The following FARS2 variants were observed in gnomAD, a reference collection of about 807,000 sequenced individuals.
FARS2 encodes phenylalanyl-tRNA synthetase 2, mitochondrial.
In FARS2, 40 loss-of-function variants were observed where a neutral mutation model predicts 46.4. The observed-to-expected ratio is 0.86, with a 90% CI of 0.67 to 1.12. FARS2 has a LOEUF of 1.12. Among genes scored for constraint, FARS2 ranks in the 50% most tolerant of loss-of-function variants. The pLI, the probability that FARS2 is intolerant of heterozygous loss-of-function variation, is 0.00. For synonymous variants in FARS2, 234 were observed against 214.9 expected (o/e 1.09, Z -0.78); for missense variants, 513 against 567.9 (o/e 0.90, Z 0.98).
intron 6 of FARS2, among the ~76,000 whole-genome samples, chr6:5,660,815 G>A (rs1462801671): frequency 1.3e-5 from 2 of 152,178 alleles, no homozygotes; most frequent in African/African-American, 2.4e-5. Context: ...CAGTGTGGCT[G>A]GAAAAGTGGG....
At chr6:5,719,411 A>G (rs1309330391) in intron 6 of FARS2, among the ~76,000 whole-genome samples, 1 of 126,194 alleles carries the variant, frequency 7.9e-6, no homozygotes, top group African/African-American at 3.0e-5. Flanking sequence ...AAAAAAAAAA[A>G]GGAAGAAGAA....
At chr6:5,463,022 A>T (rs1189229346) in intron 4 of FARS2, among the ~76,000 whole-genome samples, 3 of 152,182 alleles carry the variant, frequency 2.0e-5, no homozygotes, top group Admixed American at 6.5e-5. Context: ...ACAGCTATTC[A>T]ACTCGGCTAT....
chr6:5,491,321 C>T (rs1767094457), intron 4 of FARS2, among the ~76,000 whole-genome samples: 1 of 152,088 alleles, frequency 6.6e-6, no homozygotes, highest in Admixed American at 6.5e-5. Context: ...AAATTTGTTG[C>T]CCCCATCTCT....
chr6:5,697,462 C>T (rs1437071102), intron 6 of FARS2, among the ~76,000 whole-genome samples: 1 of 152,184 alleles, frequency 6.6e-6, no homozygotes, highest in Admixed American at 6.5e-5. Flanking sequence ...AGACTTCTAA[C>T]TCCTTCATTT....
chr6:5,719,326 GAGCTGTGATCACA>G (rs1388831332), intron 6 of FARS2, among the ~76,000 whole-genome samples: 1 of 149,568 alleles, frequency 6.7e-6, no homozygotes, highest in Non-Finnish European at 1.5e-5. Context: ...AGGCTACAGT[GAGCTGTGATCACA>G]CCACTACACT....
chr6:5,555,273 C>A (rs548067364), intron 5 of FARS2, among the ~76,000 whole-genome samples: 36 of 152,230 alleles, frequency 2.4e-4, no homozygotes, highest in African/African-American at 8.7e-4. Flanking sequence ...CCAACTACAA[C>A]TCTTTTTCTT....
intron 1 of FARS2, among the ~76,000 whole-genome samples, chr6:5,338,034 T>C (rs1338602879): frequency 1.3e-5 from 2 of 152,196 alleles, no homozygotes; most frequent in African/African-American, 4.8e-5. Context: ...TTAAAATAGA[T>C]AATTGTATAT....
In FARS2 at chr6:5,698,215, T is replaced by C. The variant is rs368651281; in HGVS notation, c.1218-73076T>C. 1.2e-4 allele frequency among the ~76,000 whole-genome samples: 18 copies of C among 152,330 alleles called. No homozygotes were observed. The South Asian group carries it at 3.5e-3, about 30-fold the overall frequency. On this transcript the variant is annotated intron_variant, in intron 6 of 6. Transcript: ENST00000274680. ...TTAGTTGGCTGTTAGTTCTGCAGGC[T>C]GTACAGGAAGTATCATGCTGGCATA...
chr6:5,559,276 G>T (rs1263459245), intron 5 of FARS2, among the ~76,000 whole-genome samples: 2 of 152,112 alleles, frequency 1.3e-5, no homozygotes, highest in Non-Finnish European at 2.9e-5. Context: ...ACATGGTGGT[G>T]CACCTGTGGT....
intron 6 of FARS2, among the ~76,000 whole-genome samples, chr6:5,730,919 G>A (rs959108916): frequency 6.6e-5 from 10 of 152,186 alleles, no homozygotes; most frequent in African/African-American, 2.4e-4. Flanking sequence ...AACACAGCAA[G>A]GTTGAGTAAC....
At chr6:5,599,858 A>G (rs1176560262) in intron 5 of FARS2, among the ~76,000 whole-genome samples, 3 of 152,012 alleles carry the variant, frequency 2.0e-5, no homozygotes, top group Non-Finnish European at 4.4e-5. Flanking sequence ...GTGATATTTT[A>G]TTTAACAAAG....
intron 3 of FARS2, among the ~76,000 whole-genome samples, chr6:5,414,389 A>G (rs1285627818): frequency 6.6e-6 from 1 of 152,040 alleles, no homozygotes; most frequent in Non-Finnish European, 1.5e-5. Context: ...GTGCTCCTTC[A>G]CCGTCCCTCT....
chr6:5,577,638 T>C (rs189760620), intron 5 of FARS2, among the ~76,000 whole-genome samples: 1 of 152,318 alleles, frequency 6.6e-6, no homozygotes, highest in Non-Finnish European at 1.5e-5. Context: ...ACATTCATTT[T>C]CTTCTTTAAA....
At chr6:5,482,890 G>A (rs1371230183) in intron 4 of FARS2, among the ~76,000 whole-genome samples, 5 of 152,194 alleles carry the variant, frequency 3.3e-5, no homozygotes, top group Admixed American at 2.6e-4. Context: ...TGCCTTGGGT[G>A]TACCTGTGTT....
At position 5,261,609 on chromosome 6, in the gene FARS2, C is replaced by G. The variant is rs574498855; in HGVS notation, c.-73C>G. The G allele has an allele frequency of 1.3e-5, 2 of 152,278 alleles. No homozygotes were observed. The highest frequency in any genetic ancestry group is 2.1e-4 in the South Asian group (1 of 4,848). The allele number at this position is 152,278 out of a possible 1,614,324, so 9.4% of individuals were successfully genotyped here. On this transcript the variant is annotated 5_prime_UTR_variant, in exon 1 of 7. Transcript: ENST00000274680. ...TGCCCGTGAGAGCGAACGAGCCTGC[C>G]GTACTTCTGATTTTGAAACACCTGG...
At chr6:5,295,022 C>T (rs1300010322) in intron 1 of FARS2, among the ~76,000 whole-genome samples, 4 of 152,112 alleles carry the variant, frequency 2.6e-5, no homozygotes, top group Admixed American at 2.6e-4. Flanking sequence ...CCTAACACAC[C>T]CACAATAAGG....
intron 5 of FARS2, among the ~76,000 whole-genome samples, chr6:5,570,637 AAAAG>A (rs1226153343): frequency 6.6e-6 from 1 of 152,216 alleles, no homozygotes; most frequent in Non-Finnish European, 1.5e-5. Flanking sequence ...TTTAAAGAAA[AAAAG>A]AGAGAATGGA....
At chr6:5,423,717 A>G (rs552357186) in intron 3 of FARS2, among the ~76,000 whole-genome samples, 21 of 152,246 alleles carry the variant, frequency 1.4e-4, no homozygotes, top group African/African-American at 4.8e-4. Flanking sequence ...ACTTTGTAGT[A>G]GGAATGGTTT....
At chr6:5,683,104 G>A (rs1352616234) in intron 6 of FARS2, among the ~76,000 whole-genome samples, 1 of 152,172 alleles carries the variant, frequency 6.6e-6, no homozygotes, top group African/African-American at 2.4e-5. Context: ...TTAAGGGGTG[G>A]GACAGATTTA....
Sources: gnomAD v4.1 joint callset for allele counts (sites outside exome capture counted in the v4.1 genomes callset) on GRCh38, gnomAD v4.1.1 for gene constraint, MANE v1.5 for transcripts, NCBI Gene and HGNC (gene_info 2026-07-23, HGNC 2026-07-21) for gene names.